Variants in POLQ observed in about 807,000 individuals in gnomAD.
POLQ encodes DNA polymerase theta, also known as epididymis secretory sperm binding protein.
POLQ carries 233 observed loss-of-function variants against 259.2 expected under a neutral mutation model. That is an observed-to-expected ratio of 0.90 (90% CI 0.81 to 1.00). The LOEUF is 1.00. POLQ is among the 50% of genes least tolerant of loss of function. The pLI, the probability that POLQ is intolerant of heterozygous loss-of-function variation, is 0.00. For missense variants in POLQ, 2,871 were observed against 3,051.6 expected (o/e 0.94, Z 1.39); for synonymous variants, 1,025 against 1,048.8 (o/e 0.98, Z 0.44).
At chr3:121,465,905 A>G (rs1285723716) in intron 24 of POLQ, among the ~76,000 whole-genome samples, 2 of 152,214 alleles carry the variant, frequency 1.3e-5, no homozygotes, top group Non-Finnish European at 2.9e-5. Flanking sequence ...GGAAAGTCGC[A>G]TCTCTCTCAC....
chr3:121,522,021 C>CAG lies in POLQ; in HGVS notation c.1236_1237insCT (p.Val413LeufsTer2), dbSNP rs768414721. On this transcript the variant is annotated frameshift_variant, in exon 8 of 30. Transcript: ENST00000264233. LOFTEE classifies it high-confidence loss of function. ...GAAATACCTGCATGATGAAATGCTA[C>CAG]TCCCCATGGTACAGTTTTCTGTAAT... 1.9e-6 allele frequency: 3 copies of CAG among 1,573,180 alleles called. No individual in the cohort carries two copies. Among genetic ancestry groups the CAG allele is most frequent in the Non-Finnish European group, 2.6e-6 (3 of 1,164,712 alleles).
chr3:121,443,462 CAG>C (rs60569441), intron 26 of POLQ, among the ~76,000 whole-genome samples: 3,417 of 152,174 alleles, frequency 0.022, 126 homozygotes, highest in African/African-American at 0.078. Flanking sequence ...TTTTTTTCTG[CAG>C]AGTTATTTGA....
chr3:121,448,148 A>G (rs2108777278), intron 26 of POLQ, among the ~76,000 whole-genome samples: 1 of 152,194 alleles, frequency 6.6e-6, no homozygotes, highest in Non-Finnish European at 1.5e-5. Flanking sequence ...AATAACTCTT[A>G]GAAGATTTGC....
At chr3:121,432,742 A>G (rs1221421805) in intron 29 of POLQ, among the ~76,000 whole-genome samples, 176 bp downstream of exon 29, 1 of 152,214 alleles carries the variant, frequency 6.6e-6, no homozygotes, top group Non-Finnish European at 1.5e-5. Flanking sequence ...ATTAAGAACT[A>G]GTACAAAACG....
intron 19 of POLQ, among the ~76,000 whole-genome samples, chr3:121,476,963 C>T (rs2047932627): frequency 6.6e-6 from 1 of 152,262 alleles, no homozygotes; most frequent in East Asian, 1.9e-4. Context: ...GTAGAAGAGT[C>T]GGCAATCTTG....
intron 12 of POLQ, among the ~76,000 whole-genome samples, chr3:121,503,206 A>G (rs2048185890): frequency 6.6e-6 from 1 of 152,238 alleles, no homozygotes; most frequent in African/African-American, 2.4e-5. Flanking sequence ...AGTACTCAGT[A>G]GAGTAACATG....
intron 25 of POLQ, among the ~76,000 whole-genome samples, chr3:121,454,688 C>G (rs1308092477): frequency 6.6e-6 from 1 of 152,156 alleles, no homozygotes; most frequent in Non-Finnish European, 1.5e-5. Flanking sequence ...GCTAACTATC[C>G]TAAACATATA....
intron 24 of POLQ, among the ~76,000 whole-genome samples, chr3:121,466,510 G>C (rs2047838060): frequency 6.6e-6 from 1 of 151,926 alleles, no homozygotes; most frequent in South Asian, 2.1e-4. Flanking sequence ...GACCAACGTG[G>C]AGAAACCCTG....
At chr3:121,529,906 G>A in intron 6 of POLQ, 114 bp from the exon 7 acceptor site, 5 of 655,456 alleles carry the variant, frequency 7.6e-6, no homozygotes, top group Non-Finnish European at 1.2e-5. Flanking sequence ...AAGGCATAAT[G>A]AAAATCAGTT....
At chr3:121,509,973 G>A in intron 11 of POLQ, 66 bp downstream of exon 11, 1 of 1,228,316 alleles carries the variant, frequency 8.1e-7, no homozygotes, top group Non-Finnish European at 1.2e-6. Context: ...TCCATTCACT[G>A]AGCAGTCATA....
Position 121,487,917 on chromosome 3 carries a change from T to C in POLQ, c.5014A>G (p.Asn1672Asp). The C allele has an allele frequency of 6.2e-7, 1 of 1,606,038 alleles. No homozygotes were observed. The change falls in exon 16 of 30, where the codon AAT becomes GAT. Residue 1672 changes from asparagine (N) to aspartate (D), a missense_variant. Coordinates refer to ENST00000264233, the MANE Select transcript of POLQ (RefSeq NM_199420.4). ...TINFSSLNRKNTELNEEQEVI... is the reference protein window; with the variant it reads ...TINFSSLNRKDTELNEEQEVI... ...TCTTGTTCTTCATTTAACTCTGTAT[T>C]TTTTCTATTCAAACTGGAAAAGTTT...
intron 9 of POLQ, among the ~76,000 whole-genome samples, chr3:121,512,915 A>T (rs1037758355): frequency 6.6e-6 from 1 of 152,226 alleles, no homozygotes; most frequent in Admixed American, 6.5e-5. Context: ...AACATTTACT[A>T]ATCTAAATGC....
chr3:121,483,421 C>T lies in POLQ; in HGVS notation c.5935G>A (p.Gly1979Ser), dbSNP rs1255774437. ...TCATAACTTTGCTCCAAGGAGATGC[C>T]ACAAGAAAGAAGAAGAATTTTATAG... is the stretch of plus-strand genomic sequence containing the variant. Reference protein sequence around the residue: ...QSYKILLLSCGISLEQSYEDP... With the variant: ...QSYKILLLSCSISLEQSYEDP... The change falls in exon 18 of 30, where the codon GGC (glycine) becomes AGC (serine). Residue 1979 changes from glycine to serine, a missense_variant. Physicochemically the swap from Gly to Ser is moderately conservative, Grantham distance 56. Coordinates refer to ENST00000264233, the MANE Select transcript of POLQ (RefSeq NM_199420.4). The T allele has an allele frequency of 4.4e-6, 7 of 1,584,406 alleles. No individual in the cohort carries two copies. The highest frequency in any genetic ancestry group is 2.4e-5 in the South Asian group (2 of 84,132).
intron 24 of POLQ, among the ~76,000 whole-genome samples, chr3:121,467,170 G>C (rs2047844938): frequency 6.6e-6 from 1 of 152,164 alleles, no homozygotes; most frequent in African/African-American, 2.4e-5. Context: ...AAGAGAAATT[G>C]AAGAAGGAGT....
chr3:121,509,899 T>C, intron 11 of POLQ, 140 bp downstream of exon 11: 1 of 833,112 alleles, frequency 1.2e-6, no homozygotes, highest in Admixed American at 2.7e-5. Flanking sequence ...ACTGATTTAC[T>C]AAAAATGAGT....
chr3:121,481,901 A>C, intron 18 of POLQ, 89 bp from the exon 19 acceptor site: 69 of 1,129,682 alleles, frequency 6.1e-5, no homozygotes, highest in Non-Finnish European at 8.2e-5. Flanking sequence ...AACAAAGCTC[A>C]TTTCTAACCT....
chr3:121,433,065 G>T, intron 28 of POLQ, 32 bp from the exon 29 acceptor site: 1 of 1,148,000 alleles, frequency 8.7e-7, no homozygotes, highest in Non-Finnish European at 1.3e-6. Context: ...AAACTGATCA[G>T]CATGTCGCTA....
At chr3:121,514,140 C>T (rs2048277109) in intron 9 of POLQ, among the ~76,000 whole-genome samples, 1 of 147,710 alleles carries the variant, frequency 6.8e-6, no homozygotes, top group Admixed American at 6.8e-5. Flanking sequence ...ACTAGCCTAA[C>T]CAACATGGTG....
chr3:121,493,457 T>G (rs1232867530), intron 15 of POLQ, 21 bp downstream of exon 15: 1 of 1,579,764 alleles, frequency 6.3e-7, no homozygotes, highest in East Asian at 2.2e-5. Context: ...TAAGCCCATG[T>G]AGGTAAAGGT....
Sources: gnomAD v4.1 joint callset for allele counts (sites outside exome capture counted in the v4.1 genomes callset) on GRCh38, gnomAD v4.1.1 for gene constraint, MANE v1.5 for transcripts, NCBI Gene and HGNC (gene_info 2026-07-23, HGNC 2026-07-21) for gene names.